The following MAMDC2 variants were observed in gnomAD, a reference collection of about 807,000 sequenced individuals.
The protein encoded by MAMDC2 is MAM domain containing 2, also known as MAM domain-containing protein 2.
A neutral mutation model predicts 89.8 loss-of-function variants in MAMDC2; 57 were observed. The observed-to-expected ratio is 0.63, with a 90% confidence interval of 0.51 to 0.79. The LOEUF is 0.79. Among genes scored for constraint, MAMDC2 ranks in the 30% least tolerant of loss-of-function variants. MAMDC2 has a pLI of 0.00. For synonymous variants in MAMDC2, 313 were observed against 293.4 expected, an observed-to-expected ratio of 1.07 and a Z score of -0.68; for missense variants, 800 against 820.6, an observed-to-expected ratio of 0.97 and a Z score of 0.31.
At chr9:70,194,911 C>T (rs1453594829) in intron 11 of MAMDC2, among the ~76,000 whole-genome samples, 1 of 152,030 alleles carries the variant, frequency 6.6e-6, no homozygotes, top group East Asian at 1.9e-4. Flanking sequence ...ACCCAGGTTA[C>T]ATTACATTTA....
chr9:70,121,032 A>G (rs1173582928), intron 5 of MAMDC2, among the ~76,000 whole-genome samples: 2 of 152,220 alleles, frequency 1.3e-5, no homozygotes, highest in Non-Finnish European at 2.9e-5. Flanking sequence ...ACACTGGAGC[A>G]GACAACACAA....
At chr9:70,209,320 T>G (rs1433348133) in intron 11 of MAMDC2, among the ~76,000 whole-genome samples, 2 of 152,202 alleles carry the variant, frequency 1.3e-5, no homozygotes, top group African/African-American at 4.8e-5. Context: ...CTGTTATTCC[T>G]CTATTCAGGG....
At chr9:70,053,004 G>C (rs1309025915) in intron 2 of MAMDC2, among the ~76,000 whole-genome samples, 1 of 152,212 alleles carries the variant, frequency 6.6e-6, no homozygotes, top group Non-Finnish European at 1.5e-5. Flanking sequence ...CCTTGAGAGT[G>C]GCACTGCTGG....
At chr9:70,186,350 A>AT (rs11437999) in intron 11 of MAMDC2, among the ~76,000 whole-genome samples, 139,991 of 152,080 alleles carry the variant, frequency 0.92, 64,494 homozygotes, top group East Asian at 0.98. Flanking sequence ...TCTGCTGCTG[A>AT]TTCTTTCAGT....
intron 2 of MAMDC2, among the ~76,000 whole-genome samples, chr9:70,064,357 T>C (rs1827216594): frequency 6.6e-6 from 1 of 152,182 alleles, no homozygotes; most frequent in South Asian, 2.1e-4. Flanking sequence ...ATCACTCTTA[T>C]GCCTGTGCGT....
intron 2 of MAMDC2, among the ~76,000 whole-genome samples, chr9:70,065,118 A>C (rs1827236045): frequency 6.6e-6 from 1 of 152,246 alleles, no homozygotes; most frequent in African/African-American, 2.4e-5. Context: ...AGAAACGACT[A>C]ACAGGGATTA....
At chr9:70,131,664 A>T in intron 7 of MAMDC2, 52 bp downstream of exon 7, 2 of 1,319,898 alleles carry the variant, frequency 1.5e-6, no homozygotes, top group Non-Finnish European at 1.1e-6. Context: ...GTTTCAATAG[A>T]TGTTTGTGGT....
intron 11 of MAMDC2, among the ~76,000 whole-genome samples, chr9:70,211,767 C>A (rs1444694664): frequency 6.6e-6 from 1 of 152,064 alleles, no homozygotes; most frequent in African/African-American, 2.4e-5. Context: ...TTTTATCTAC[C>A]TTTGGTCTTT....
chr9:70,181,460 G>T (rs1249628881), intron 11 of MAMDC2, among the ~76,000 whole-genome samples: 1 of 152,132 alleles, frequency 6.6e-6, no homozygotes, highest in Non-Finnish European at 1.5e-5. Flanking sequence ...CCATTTTCAT[G>T]ATATTGATTC....
At chr9:70,176,966 T>C (rs1478700418) in intron 11 of MAMDC2, among the ~76,000 whole-genome samples, 1 of 152,172 alleles carries the variant, frequency 6.6e-6, no homozygotes, top group Non-Finnish European at 1.5e-5. Flanking sequence ...ATTTTTCTCA[T>C]ACATACATAC....
chr9:70,096,833 G>A (rs146418418), intron 2 of MAMDC2, among the ~76,000 whole-genome samples: 4 of 152,018 alleles, frequency 2.6e-5, no homozygotes, highest in Non-Finnish European at 5.9e-5. Flanking sequence ...ACTATTAAAG[G>A]GGGGGATCAA....
chr9:70,064,636 A>G (rs139679874), intron 2 of MAMDC2, among the ~76,000 whole-genome samples: 3 of 152,270 alleles, frequency 2.0e-5, no homozygotes, highest in African/African-American at 7.2e-5. Context: ...GCTTTTACAG[A>G]TAATTTTCTG....
chr9:70,126,190 G>A lies in MAMDC2; in HGVS notation c.675G>A (p.Val225=), dbSNP rs142508680. The change falls in exon 6 of 14, where the codon GTG becomes GTA. Residue 225 remains valine (V), a synonymous_variant. Transcript: ENST00000377182. ...ACATGTACGTGGACTCAGTTTATGTGAAGCACTTCCAGGAGGTGGCACAGC... is the reference window on the plus strand; with the variant it reads ...ACATGTACGTGGACTCAGTTTATGTAAAGCACTTCCAGGAGGTGGCACAGC... ...GHYMYVDSVY[V]KHFQEVAQLI... is the part of the protein sequence containing the mutation. 155 of 1,613,058 alleles carry A rather than the reference G, an allele frequency of 9.6e-5. No homozygotes were observed. In the African/African-American group the frequency reaches 1.8e-3, roughly 19 times the overall value.
intron 9 of MAMDC2, among the ~76,000 whole-genome samples, chr9:70,147,218 A>G (rs1463111536): frequency 6.6e-6 from 1 of 150,378 alleles, no homozygotes. Context: ...AGATCATGCC[A>G]CTGTGCTCCA....
chr9:70,136,521 C>T (rs1234508593), intron 7 of MAMDC2, among the ~76,000 whole-genome samples: 1 of 152,168 alleles, frequency 6.6e-6, no homozygotes, highest in Non-Finnish European at 1.5e-5. Flanking sequence ...TTTTATGCCA[C>T]CTTCCACCCC....
chr9:70,170,496 C>A lies in MAMDC2; in HGVS notation c.1516C>A (p.Pro506Thr), dbSNP rs996217698. ...TCTTGCAGAGAAACTTCCACCTCCACCTGGAGAGTGTACTTTCGAGCAAGA... is the reference window on the plus strand; with the variant it reads ...TCTTGCAGAGAAACTTCCACCTCCAACTGGAGAGTGTACTTTCGAGCAAGA... The part of the protein sequence containing the change: ...CSSSEKLPPP[P>T]GECTFEQDEC... The change falls in exon 11 of 14, where the codon CCT becomes ACT. Residue 506 changes from proline (P) to threonine (T), a missense_variant. Physicochemically the swap from Pro to Thr is conservative, Grantham distance 38. Coordinates refer to ENST00000377182, the MANE Select transcript of MAMDC2 (RefSeq NM_153267.5). The A allele has an allele frequency of 6.2e-7, 1 of 1,610,082 alleles. No homozygotes were observed. Among genetic ancestry groups the A allele is most frequent in the Non-Finnish European group, 8.5e-7 (1 of 1,178,874 alleles).
intron 11 of MAMDC2, among the ~76,000 whole-genome samples, chr9:70,209,230 G>A (rs1024845105): frequency 6.6e-6 from 1 of 152,144 alleles, no homozygotes; most frequent in Admixed American, 6.6e-5. Context: ...TGTACCTCTG[G>A]TAGAATTCGG....
Position 70,145,838 on chromosome 9 carries a change from C to T in MAMDC2, c.1404+2019C>T, listed in dbSNP as rs12342650. Among the ~76,000 whole-genome samples, 1,185 of 152,126 alleles carry T rather than the reference C, an allele frequency of 7.8e-3. 19 individuals carry two copies. Among genetic ancestry groups the T allele is most frequent in the African/African-American group, 0.027 (1,101 of 41,482 alleles). On this transcript the variant is annotated intron_variant, in intron 9 of 13. Transcript: ENST00000377182. ...AAAAATGAATGAGGCTCAGATCCTA[C>T]CCTTGAAGAAGAAGAGATCACAGAT...
chr9:70,211,952 G>T (rs1421441566), intron 11 of MAMDC2, among the ~76,000 whole-genome samples: 1 of 152,224 alleles, frequency 6.6e-6, no homozygotes, highest in African/African-American at 2.4e-5. Flanking sequence ...AAATATTGCA[G>T]AATGGCAGAT....
Sources: gnomAD v4.1 joint callset for allele counts (sites outside exome capture counted in the v4.1 genomes callset) on GRCh38, gnomAD v4.1.1 for gene constraint, MANE v1.5 for transcripts, NCBI Gene and HGNC (gene_info 2026-07-23, HGNC 2026-07-21) for gene names.